The following ALAS2 variants were observed in gnomAD, a reference collection of about 807,000 sequenced individuals.
ALAS2 encodes the protein 5'-aminolevulinate synthase 2, also known as 5-aminolevulinate synthase, erythroid-specific, mitochondrial.
In ALAS2, 3 loss-of-function variants were observed where a neutral mutation model predicts 33.7. The observed-to-expected ratio is 0.09, with a 90% CI of 0.04 to 0.23. The LOEUF (loss-of-function observed/expected upper bound fraction) is 0.23. ALAS2 is among the 10% of genes least tolerant of loss of function. The pLI is 1.00. For synonymous variants in ALAS2, 191 were observed against 177.3 expected, an observed-to-expected ratio of 1.08 and a Z score of -0.61; for missense variants, 304 against 475.1, an observed-to-expected ratio of 0.64 and a Z score of 3.35.
rs1935675258 is a variant in ALAS2 at position 55,014,986 on chromosome X, T to C, written c.1198A>G (p.Ile400Val). The change falls in exon 9 of 11, where the codon ATT becomes GTT. Residue 400 changes from isoleucine to valine, a missense_variant. Ile to Val is a conservative substitution (Grantham distance 29). Transcript: ENST00000650242. ...GKAFGCVGGY[I>V]ASTRDLVDMV... The stretch of plus-strand genomic sequence containing the variant: ...TCCACCAAGTCACGGGTGCTGGCAA[T>C]GTAGCCGCCCACACAGCCAAAGGCC... 5.0e-6 allele frequency: 6 copies of C among 1,209,059 alleles called. No homozygotes were observed. The highest frequency in any genetic ancestry group is 6.7e-6 in the Non-Finnish European group (6 of 894,697).
chrX:55,014,168 G>C lies in ALAS2; in HGVS notation c.1438-520C>G, dbSNP rs183495058. On this transcript the variant is annotated intron_variant, in intron 9 of 10. Transcript: ENST00000650242. ...ATACGTGTTATTTAAGAAAGAAGTA[G>C]CAGTTCATTTTTAAAGGCAGTAAAT... Among the ~76,000 whole-genome samples the C allele has an allele frequency of 1.3e-4, 15 of 112,048 alleles. 1 individual carries two copies.
chrX:55,024,919 G>A (rs1935867868), intron 2 of ALAS2, 79 bp from the exon 3 acceptor site: 6 of 1,142,366 alleles, frequency 5.3e-6, no homozygotes, highest in Non-Finnish European at 7.2e-6. Flanking sequence ...GAGATCTAAT[G>A]TACCCCTAAA....
At chrX:55,010,204 T>C (rs1422438973) in intron 10 of ALAS2, among the ~76,000 whole-genome samples, 1 of 111,825 alleles carries the variant, frequency 8.9e-6, no homozygotes, top group East Asian at 2.8e-4. Context: ...CCACTTCTTA[T>C]TGCCTTCATT....
At chrX:55,025,365 C>T (rs1028420138) in intron 2 of ALAS2, among the ~76,000 whole-genome samples, 3 of 111,402 alleles carry the variant, frequency 2.7e-5, no homozygotes, top group Non-Finnish European at 3.8e-5. Flanking sequence ...GACAGATTCT[C>T]GCTCTGTTGC....
chrX:55,013,577 G>A lies in ALAS2; in HGVS notation c.1509C>T (p.Ala503=), dbSNP rs377127748. ...LLSKHGIYVQ[A]INYPTVPRGE... The stretch of plus-strand genomic sequence containing the variant: ...CCCGGGGGACAGTTGGGTAGTTGAT[G>A]GCCTGCACATAGATGCCATGCTTGG... Residue 503 remains alanine, a synonymous_variant, in exon 10 of 11, where the codon GCC becomes GCT. Coordinates refer to ENST00000650242, the MANE Select transcript of ALAS2 (RefSeq NM_000032.5). The A allele has an allele frequency of 8.3e-5, 100 of 1,209,328 alleles. No individual in the cohort carries two copies. The highest frequency in any genetic ancestry group is 1.1e-4 in the Non-Finnish European group (98 of 895,071).
At chrX:55,017,862 A>G (rs1000315701) in intron 6 of ALAS2, among the ~76,000 whole-genome samples, 197 bp from the exon 7 acceptor site, 23 of 111,845 alleles carry the variant, frequency 2.1e-4, no homozygotes, top group African/African-American at 7.1e-4. Context: ...TCTGACCCCT[A>G]CATCCTTCCC....
intron 9 of ALAS2, 86 bp from the exon 10 acceptor site, chrX:55,013,734 G>T: frequency 9.3e-7 from 1 of 1,077,014 alleles, no homozygotes; most frequent in Non-Finnish European, 1.3e-6. Flanking sequence ...GGAACTAGAT[G>T]AGGGAACATC....
At chrX:55,023,409 G>C (rs1450112552) in intron 4 of ALAS2, among the ~76,000 whole-genome samples, 2 of 110,921 alleles carry the variant, frequency 1.8e-5, no homozygotes, top group African/African-American at 6.6e-5. Flanking sequence ...ACACATATAA[G>C]AATGGGGAAA....
chrX:55,020,568 G>A, intron 5 of ALAS2, 64 bp from the exon 6 acceptor site: 1 of 1,065,507 alleles, frequency 9.4e-7, no homozygotes, highest in South Asian at 2.0e-5. Flanking sequence ...GAGGAACTGG[G>A]TAGGTTTCTC....
At chrX:55,015,123 G>C in intron 8 of ALAS2, 108 bp from the exon 9 acceptor site, 1 of 913,757 alleles carries the variant, frequency 1.1e-6, no homozygotes, top group Non-Finnish European at 1.5e-6. Flanking sequence ...TGGGGCTCCA[G>C]GCTGTCTTCC....
intron 4 of ALAS2, among the ~76,000 whole-genome samples, chrX:55,023,175 G>A (rs1231761668): frequency 9.2e-6 from 1 of 108,586 alleles, no homozygotes; most frequent in Non-Finnish European, 1.9e-5. Flanking sequence ...GCATGGGTGT[G>A]GTGAAGAGAG....
At chrX:55,020,864 G>A (rs757850228) in intron 5 of ALAS2, among the ~76,000 whole-genome samples, 188 bp downstream of exon 5, 158 of 112,201 alleles carry the variant, frequency 1.4e-3, no homozygotes, top group African/African-American at 4.8e-3. Flanking sequence ...ATTGGACACC[G>A]AAGAGTTTGG....
Position 55,024,746 on chromosome X carries a change from G to A in ALAS2, c.276C>T (p.Val92=). 5.0e-6 allele frequency: 6 copies of A among 1,211,769 alleles called. No individual in the cohort carries two copies. The highest frequency in any genetic ancestry group is 5.6e-6 in the Non-Finnish European group (5 of 895,465). The change falls in exon 3 of 11, where the codon GTC becomes GTT. Residue 92 remains valine, a synonymous_variant. Transcript: ENST00000650242. ...TCTTGAAAGCCTTCACATCTTCCTG[G>A]ACTTCTGGGGCTGCCTTCTGCACAA... ...SKIVQKAAPE[V]QEDVKAFKTD... is the part of the protein sequence containing the mutation.
In ALAS2 at chrX:55,021,190, G is replaced by A; in HGVS notation, c.500C>T (p.Thr167Ile). Residue 167 changes from threonine to isoleucine, a missense_variant, in exon 5 of 11, where the codon ACT (threonine) becomes ATT (isoleucine). By Grantham distance (89) the Thr-to-Ile change is moderately conservative. Around this residue, in one of 3 missense-constraint regions of ALAS2, gnomAD observed 138 missense variants for 265.3 expected, o/e 0.52. Coordinates refer to ENST00000650242, the MANE Select transcript of ALAS2 (RefSeq NM_000032.5). ...ATATGCATCAGCCCAGCGGTTCACA[G>A]TCTTGAACACACGGTAGGTGTGATC... ...KQDHTYRVFK[T>I]VNRWADAYPF... The A allele has an allele frequency of 8.3e-7, 1 of 1,211,829 alleles. No homozygotes were observed. The highest frequency in any genetic ancestry group is 1.1e-6 in the Non-Finnish European group (1 of 895,369).
chrX:55,016,009 G>GTA (rs1935698240), intron 7 of ALAS2, among the ~76,000 whole-genome samples: 1 of 59,989 alleles, frequency 1.7e-5, no homozygotes, highest in Non-Finnish European at 3.6e-5. Context: ...GTGTGTGTGT[G>GTA]TACGTGTGTG....
chrX:55,023,886 T>A lies in ALAS2; in HGVS notation c.305-19A>T. The A allele has an allele frequency of 8.7e-7, 1 of 1,146,782 alleles. No homozygotes were observed. Among genetic ancestry groups the A allele is most frequent in the Non-Finnish European group, 1.2e-6 (1 of 837,953 alleles). 94.5% of individuals were successfully genotyped at this position (1,146,782 alleles called of 1,213,427 possible). A position where few individuals can be genotyped will look rare whatever the true frequency, so the allele number is the denominator to read the frequency against. ...GGCAGATCTGAGACGGAATGTGAGA[T>A]TCATTGGCCGTGAAGAGAATGGGGG... On this transcript the variant is annotated intron_variant, in intron 3 of 10. Transcript: ENST00000650242.
chrX:55,024,985 T>C (rs1569547898), intron 2 of ALAS2, 145 bp from the exon 3 acceptor site: 6 of 772,115 alleles, frequency 7.8e-6, no homozygotes, highest in Non-Finnish European at 1.2e-5. Flanking sequence ...GTCCCTGTGC[T>C]AGGGGAGCTA....
intron 10 of ALAS2, among the ~76,000 whole-genome samples, 163 bp downstream of exon 10, chrX:55,013,323 G>A (rs1248648049): frequency 9.0e-6 from 1 of 111,542 alleles, no homozygotes; most frequent in East Asian, 2.8e-4. Flanking sequence ...ACAAGTGTAG[G>A]GGCTGCTTCT....
chrX:55,009,154 G>A lies in ALAS2; in HGVS notation c.*26C>T, dbSNP rs765396028. On this transcript the variant is annotated 3_prime_UTR_variant, in exon 11 of 11. Coordinates refer to ENST00000650242, the MANE Select transcript of ALAS2 (RefSeq NM_000032.5). Reference sequence around the variant, plus strand: ...CTGGACCCAAGTGAAGCGCAGGTGGGGTGTGAATCCTAGGCAGCTGGCTTC... The same window carrying A: ...CTGGACCCAAGTGAAGCGCAGGTGGAGTGTGAATCCTAGGCAGCTGGCTTC... 8.3e-7 allele frequency: 1 copy of A among 1,203,854 alleles called. No homozygotes were observed. The highest frequency in any genetic ancestry group is 1.8e-5 in the South Asian group (1 of 55,466).
Sources: allele counts gnomAD v4.1 joint callset (sites outside exome capture counted in the v4.1 genomes callset), GRCh38; gene constraint gnomAD v4.1.1; regional missense constraint gnomAD v4.1.1; transcripts MANE v1.5; gene names NCBI Gene and HGNC (gene_info 2026-07-23, HGNC 2026-07-21).